Variants in SIPA1L2 observed in about 807,000 individuals in gnomAD.
SIPA1L2 encodes signal-induced proliferation-associated 1-like protein 2.
SIPA1L2 carries 56 observed loss-of-function variants against 163.9 expected under a neutral mutation model. The ratio of observed to expected loss-of-function variants is 0.34; its 90% CI spans 0.28 to 0.43. The LOEUF is 0.43. SIPA1L2 is among the 20% of genes least tolerant of loss of function. SIPA1L2 has a pLI of 1.00. For missense variants in SIPA1L2, 1,974 were observed against 2,193.5 expected (o/e 0.90, Z 2.00); for synonymous variants, 877 against 865.7 (o/e 1.01, Z -0.23).
intron 1 of SIPA1L2, among the ~76,000 whole-genome samples, chr1:232,587,916 T>C (rs975626082): frequency 3.9e-5 from 6 of 152,184 alleles, no homozygotes; most frequent in African/African-American, 1.4e-4. Context: ...TCTGCCGCCA[T>C]GTGAGACGTG....
intron 2 of SIPA1L2, among the ~76,000 whole-genome samples, chr1:232,554,366 T>C (rs1361901379): frequency 6.6e-6 from 1 of 152,190 alleles, no homozygotes; most frequent in Non-Finnish European, 1.5e-5. Context: ...GGAAAGGATA[T>C]GGTGAAGTGG....
chr1:232,414,876 C>A (rs1017091252), intron 19 of SIPA1L2, among the ~76,000 whole-genome samples: 10 of 152,198 alleles, frequency 6.6e-5, no homozygotes, highest in Admixed American at 1.3e-4. Context: ...GCGAGCTGGA[C>A]AAAGGTGTTC....
chr1:232,490,247 G>A (rs781449346), intron 5 of SIPA1L2, among the ~76,000 whole-genome samples: 1 of 152,060 alleles, frequency 6.6e-6, no homozygotes, highest in African/African-American at 2.4e-5. Context: ...AACTACTCAT[G>A]TCTCCCTCTT....
intron 2 of SIPA1L2, among the ~76,000 whole-genome samples, chr1:232,520,248 G>A (rs2103058082): frequency 6.6e-6 from 1 of 152,236 alleles, no homozygotes; most frequent in South Asian, 2.1e-4. Context: ...TTGCTCCCCA[G>A]TAAAAATAAA....
intron 1 of SIPA1L2, among the ~76,000 whole-genome samples, chr1:232,585,577 C>T (rs758151262): frequency 2.6e-5 from 4 of 152,142 alleles, no homozygotes; most frequent in Non-Finnish European, 4.4e-5. Context: ...AAACTACTTC[C>T]TACTCCAAGG....
chr1:232,606,984 TC>T (rs1661957135), intron 1 of SIPA1L2, among the ~76,000 whole-genome samples: 1 of 152,048 alleles, frequency 6.6e-6, no homozygotes, highest in Non-Finnish European at 1.5e-5. Flanking sequence ...CTTGAAAACT[TC>T]TGTTAAATAC....
Position 232,597,488 on chromosome 1 carries a change from T to C in SIPA1L2, c.-318-23266A>G, listed in dbSNP as rs368361666. ...GTCAGGAGATCGAGACCATCCTGGCTAACACGGTGAAACCCCGTCTCTACT... is the reference window on the plus strand; with the variant it reads ...GTCAGGAGATCGAGACCATCCTGGCCAACACGGTGAAACCCCGTCTCTACT... On this transcript the variant is annotated intron_variant, in intron 1 of 22. Coordinates refer to ENST00000674635, the MANE Select transcript of SIPA1L2 (RefSeq NM_020808.5). 4.1e-3 allele frequency among the ~76,000 whole-genome samples: 588 copies of C among 142,678 alleles called. 1 individual carries two copies. Among genetic ancestry groups the C allele is most frequent in the East Asian group, 7.8e-3 (38 of 4,854 alleles). The allele number at this position is 142,678 out of a possible 152,430, so 93.6% of individuals were successfully genotyped here. A position where few individuals can be genotyped will look rare whatever the true frequency, so the allele number is the denominator to read the frequency against.
chr1:232,441,263 G>A (rs765708814), intron 14 of SIPA1L2, 28 bp downstream of exon 14: 6 of 1,556,532 alleles, frequency 3.9e-6, no homozygotes, highest in African/African-American at 2.8e-5. Context: ...GGCTAGGCCA[G>A]TGAAGGGCTT....
intron 1 of SIPA1L2, among the ~76,000 whole-genome samples, chr1:232,589,627 TAACTC>T (rs1189215609): frequency 1.3e-5 from 2 of 152,218 alleles, no homozygotes; most frequent in African/African-American, 4.8e-5. Context: ...AACTTACAAA[TAACTC>T]AGTTGTCAGA....
chr1:232,496,549 C>T (rs1466454360), intron 3 of SIPA1L2, among the ~76,000 whole-genome samples: 2 of 141,234 alleles, frequency 1.4e-5, no homozygotes, highest in South Asian at 2.3e-4. Context: ...AAGAGCTGAT[C>T]CAGAAGCAGG....
chr1:232,459,089 G>C (rs771008657), intron 10 of SIPA1L2, among the ~76,000 whole-genome samples: 1 of 152,214 alleles, frequency 6.6e-6, no homozygotes, highest in East Asian at 1.9e-4. Flanking sequence ...ATAACTAATA[G>C]AGAAAGATTT....
chr1:232,419,110 G>A (rs1489519500), intron 18 of SIPA1L2, among the ~76,000 whole-genome samples: 1 of 152,224 alleles, frequency 6.6e-6, no homozygotes, highest in Non-Finnish European at 1.5e-5. Context: ...GGGGAGGCCT[G>A]TCCAAGGAGG....
chr1:232,622,243 G>A (rs912820895), intron 1 of SIPA1L2, among the ~76,000 whole-genome samples: 1 of 152,132 alleles, frequency 6.6e-6, no homozygotes, highest in African/African-American at 2.4e-5. Context: ...ACTACGTTAA[G>A]ATATTAAAGA....
chr1:232,546,517 A>T (rs2103122471), intron 2 of SIPA1L2, among the ~76,000 whole-genome samples: 1 of 152,316 alleles, frequency 6.6e-6, no homozygotes, highest in Middle Eastern at 3.4e-3. Context: ...GGTATCAGAC[A>T]ACATGGCACT....
chr1:232,421,295 C>A (rs973116351), intron 18 of SIPA1L2, among the ~76,000 whole-genome samples: 3 of 151,822 alleles, frequency 2.0e-5, no homozygotes, highest in African/African-American at 7.3e-5. Context: ...CCACTGCCTG[C>A]GCACCTGCTC....
At chr1:232,445,373 C>T (rs1372243613) in intron 11 of SIPA1L2, among the ~76,000 whole-genome samples, 156 bp downstream of exon 11, 1 of 152,152 alleles carries the variant, frequency 6.6e-6, no homozygotes, top group African/African-American at 2.4e-5. Context: ...CGACCCCAGG[C>T]ACCACTGTGT....
chr1:232,495,967 A>G (rs1666168091), intron 3 of SIPA1L2, among the ~76,000 whole-genome samples: 1 of 152,248 alleles, frequency 6.6e-6, no homozygotes, highest in East Asian at 1.9e-4. Context: ...TAAAAAAATA[A>G]AGTTATAAAG....
chr1:232,553,905 A>G (rs1658548261), intron 2 of SIPA1L2, among the ~76,000 whole-genome samples: 1 of 152,184 alleles, frequency 6.6e-6, no homozygotes, highest in African/African-American at 2.4e-5. Flanking sequence ...CATCAACACA[A>G]TGAAAATTCT....
At chr1:232,400,248 G>A (rs995488704) in intron 22 of SIPA1L2, among the ~76,000 whole-genome samples, 1 of 152,022 alleles carries the variant, frequency 6.6e-6, no homozygotes, top group Non-Finnish European at 1.5e-5. Flanking sequence ...GACTCTCCCC[G>A]GACATTCCTC....
Sources: allele counts gnomAD v4.1 joint callset (sites outside exome capture counted in the v4.1 genomes callset), GRCh38; gene constraint gnomAD v4.1.1; transcripts MANE v1.5; gene names NCBI Gene and HGNC (gene_info 2026-07-23, HGNC 2026-07-21).